Variants in ZFHX4 observed in about 807,000 individuals in gnomAD.
ZFHX4 encodes zinc finger homeobox protein 4.
ZFHX4 carries 56 observed loss-of-function variants against 267.6 expected under a neutral mutation model. The ratio of observed to expected loss-of-function variants is 0.21; its 90% confidence interval spans 0.17 to 0.26. ZFHX4 has a LOEUF of 0.26. Ranked by LOEUF, ZFHX4 falls within the 10% of genes least tolerant of loss-of-function variation. The pLI is 1.00. For missense variants in ZFHX4, 4,332 were observed against 4,420.0 expected (o/e 0.98, Z 0.56); for synonymous variants, 1,778 against 1,665.6 (o/e 1.07, Z -1.64).
intron 3 of ZFHX4, among the ~76,000 whole-genome samples, chr8:76,708,533 A>G (rs1808341473): frequency 6.6e-6 from 1 of 152,182 alleles, no homozygotes; most frequent in Non-Finnish European, 1.5e-5. Flanking sequence ...GCTCAGTAGC[A>G]CTGAGTAAAC....
chr8:76,720,758 T>C (rs1420951935), intron 3 of ZFHX4, among the ~76,000 whole-genome samples: 1 of 152,228 alleles, frequency 6.6e-6, no homozygotes, highest in African/African-American at 2.4e-5. Flanking sequence ...TTTGGTGTCA[T>C]GATAATATCC....
intron 3 of ZFHX4, among the ~76,000 whole-genome samples, chr8:76,709,741 A>G (rs1258516842): frequency 4.6e-5 from 7 of 151,860 alleles, no homozygotes; most frequent in African/African-American, 1.7e-4. Context: ...TTCAGAAAAC[A>G]TTTAATCTAA....
Position 76,778,302 on chromosome 8 carries a change from T to C in ZFHX4, c.3188T>C (p.Val1063Ala). ...DYTTKVKLNL[V>A]QHVRSVKHQQ... ...ACCACCAAGGTCAAGTTGAATCTGG[T>C]ACAACATGTCCGTTCGGTGAAGCAT... Residue 1063 changes from valine (V) to alanine (A), a missense_variant, in exon 4 of 11, where the codon GTA becomes GCA. Val to Ala is a moderately conservative substitution (Grantham distance 64). Around this residue, in one of 7 missense-constraint regions of ZFHX4, gnomAD observed 1,371 missense variants for 1,423.1 expected, o/e 0.96. Transcript: ENST00000651372. The C allele has an allele frequency of 6.2e-7, 1 of 1,613,848 alleles. No individual in the cohort carries two copies. Among genetic ancestry groups the C allele is most frequent in the Non-Finnish European group, 8.5e-7 (1 of 1,179,810 alleles).
intron 4 of ZFHX4, among the ~76,000 whole-genome samples, chr8:76,831,358 C>T (rs1037311027): frequency 9.2e-5 from 14 of 152,066 alleles, no homozygotes; most frequent in African/African-American, 2.4e-4. Flanking sequence ...TGATTCTTCA[C>T]TAGAAAAAAG....
chr8:76,775,272 G>T (rs995163837), intron 3 of ZFHX4, among the ~76,000 whole-genome samples: 7 of 152,168 alleles, frequency 4.6e-5, no homozygotes, highest in African/African-American at 1.7e-4. Context: ...TTGTATAAAT[G>T]CTTTGTACCT....
intron 4 of ZFHX4, among the ~76,000 whole-genome samples, chr8:76,784,247 T>A: frequency 6.8e-6 from 1 of 147,014 alleles, no homozygotes; most frequent in Non-Finnish European, 1.5e-5. Flanking sequence ...ATTTTATGTT[T>A]TTAGATGTGA....
At chr8:76,744,258 A>G (rs1809397633) in intron 3 of ZFHX4, among the ~76,000 whole-genome samples, 1 of 152,012 alleles carries the variant, frequency 6.6e-6, no homozygotes, top group Non-Finnish European at 1.5e-5. Context: ...AGACAGGAGA[A>G]TCGCTTGAAC....
chr8:76,714,088 A>C (rs376402010), intron 3 of ZFHX4, among the ~76,000 whole-genome samples: 1 of 152,196 alleles, frequency 6.6e-6, no homozygotes, highest in African/African-American at 2.4e-5. Context: ...GATTTAATCA[A>C]AAGAGCTAAA....
At chr8:76,821,950 C>T (rs1811659805) in intron 4 of ZFHX4, among the ~76,000 whole-genome samples, 1 of 151,924 alleles carries the variant, frequency 6.6e-6, no homozygotes, top group African/African-American at 2.4e-5. Flanking sequence ...ATGCATTGTC[C>T]TCTCTTCCCC....
At chr8:76,858,864 A>G (rs779007695) in intron 10 of ZFHX4, among the ~76,000 whole-genome samples, 4 of 152,226 alleles carry the variant, frequency 2.6e-5, no homozygotes, top group Non-Finnish European at 5.9e-5. Flanking sequence ...TGAGAATATG[A>G]CAAGTTCCCC....
At chr8:76,816,314 C>A (rs751570020) in intron 4 of ZFHX4, among the ~76,000 whole-genome samples, 1 of 152,084 alleles carries the variant, frequency 6.6e-6, no homozygotes, top group Non-Finnish European at 1.5e-5. Flanking sequence ...TTTTTTTAAA[C>A]GTCATAATAG....
intron 3 of ZFHX4, among the ~76,000 whole-genome samples, chr8:76,724,129 A>C (rs1354810931): frequency 6.6e-6 from 1 of 152,078 alleles, no homozygotes; most frequent in Non-Finnish European, 1.5e-5. Context: ...GTGAAGGTTG[A>C]AGGAGATGAA....
chr8:76,781,264 G>T (rs1169621452), intron 4 of ZFHX4, among the ~76,000 whole-genome samples: 1 of 152,008 alleles, frequency 6.6e-6, no homozygotes, highest in Non-Finnish European at 1.5e-5. Flanking sequence ...AGTGATTCCT[G>T]ATAATGAATT....
At chr8:76,748,302 T>A (rs925526158) in intron 3 of ZFHX4, among the ~76,000 whole-genome samples, 5 of 152,222 alleles carry the variant, frequency 3.3e-5, no homozygotes, top group Admixed American at 2.0e-4. Context: ...TAGCAGAACA[T>A]CTTCTCTCCG....
rs766806918 is a variant in ZFHX4, at chr8:76,778,387, G to T, written c.3273G>T (p.Glu1091Asp). Residue 1091 changes from glutamate to aspartate, a missense_variant, in exon 4 of 11, where the codon GAG becomes GAT. Transcript: ENST00000651372. ...ACCAGCAAGGCCTGGCACCAGAGGA[G>T]GACAACCTCAGTGAGATCTTTTTTG... Reference protein sequence around the residue: ...QLHQQGLAPEEDNLSEIFFVK... With the variant: ...QLHQQGLAPEDDNLSEIFFVK... 2.5e-6 allele frequency: 4 copies of T among 1,613,742 alleles called. No homozygotes were observed. Among genetic ancestry groups the T allele is most frequent in the Non-Finnish European group, 3.4e-6 (4 of 1,179,848 alleles).
intron 3 of ZFHX4, among the ~76,000 whole-genome samples, chr8:76,730,592 G>C (rs572574636): frequency 1.3e-5 from 2 of 151,988 alleles, no homozygotes; most frequent in Admixed American, 6.6e-5. Context: ...CCAGATACTC[G>C]GGAGGCTGAG....
intron 2 of ZFHX4, among the ~76,000 whole-genome samples, chr8:76,706,894 A>G (rs555344239): frequency 7.1e-4 from 108 of 152,364 alleles, no homozygotes; most frequent in African/African-American, 2.5e-3. Context: ...TGGCGGCATC[A>G]GCGAAGTTAG....
intron 3 of ZFHX4, among the ~76,000 whole-genome samples, chr8:76,736,181 A>G (rs985798414): frequency 1.3e-5 from 2 of 151,788 alleles, no homozygotes; most frequent in African/African-American, 4.8e-5. Flanking sequence ...ACCTAACAAC[A>G]TTTTTCAATC....
chr8:76,746,010 A>G (rs927447451), intron 3 of ZFHX4, among the ~76,000 whole-genome samples: 1 of 152,202 alleles, frequency 6.6e-6, no homozygotes, highest in Non-Finnish European at 1.5e-5. Flanking sequence ...CTTTAGTTTT[A>G]ACAGTGGTTT....
Sources: gnomAD v4.1 joint callset for allele counts (sites outside exome capture counted in the v4.1 genomes callset) on GRCh38, gnomAD v4.1.1 for gene constraint, gnomAD v4.1.1 regional missense constraint, MANE v1.5 for transcripts, NCBI Gene and HGNC (gene_info 2026-07-23, HGNC 2026-07-21) for gene names.